RIMS2: variants seen among roughly 807,000 people sequenced by gnomAD.
RIMS2 encodes the protein regulating synaptic membrane exocytosis 2.
Under a neutral mutation model 174.4 loss-of-function variants are expected in RIMS2, and 59 were observed. That is an observed-to-expected ratio of 0.34 (90% CI 0.27 to 0.42). The LOEUF (loss-of-function observed/expected upper bound fraction) is 0.42. RIMS2 is among the 10% of genes least tolerant of loss of function. The pLI is 1.00. For synonymous variants in RIMS2, 606 were observed against 572.5 expected, an observed-to-expected ratio of 1.06 and a Z score of -0.84; for missense variants, 1,620 against 1,666.3, an observed-to-expected ratio of 0.97 and a Z score of 0.48.
At chr8:103,626,781 T>C (rs1433270318) in intron 1 of RIMS2, among the ~76,000 whole-genome samples, 4 of 152,016 alleles carry the variant, frequency 2.6e-5, no homozygotes, top group Non-Finnish European at 5.9e-5. Context: ...GATGGCGACC[T>C]TGAGCCGCAA....
chr8:103,900,968 C>T (rs907247371), intron 4 of RIMS2, among the ~76,000 whole-genome samples: 6 of 152,042 alleles, frequency 3.9e-5, no homozygotes, highest in Admixed American at 1.3e-4. Flanking sequence ...ATCTGTCTTG[C>T]CCCCAGGGAC....
chr8:103,744,688 C>G (rs1284094525), intron 2 of RIMS2, among the ~76,000 whole-genome samples: 1 of 152,122 alleles, frequency 6.6e-6, no homozygotes, highest in African/African-American at 2.4e-5. Context: ...GCCAAGGGAA[C>G]AGGCCTAACC....
chr8:103,984,069 A>G (rs538788174), intron 16 of RIMS2, among the ~76,000 whole-genome samples: 8 of 151,940 alleles, frequency 5.3e-5, no homozygotes, highest in Non-Finnish European at 1.0e-4. Flanking sequence ...AGCTACTCGG[A>G]AGGCTGAGGC....
At chr8:104,091,958 T>C (rs995824731) in intron 19 of RIMS2, among the ~76,000 whole-genome samples, 35 of 151,728 alleles carry the variant, frequency 2.3e-4, no homozygotes, top group African/African-American at 8.5e-4. Flanking sequence ...TCTAACAAGA[T>C]AGAAAGTTAA....
chr8:103,501,755 C>G (rs1414842778), intron 1 of RIMS2: 1 of 152,350 alleles, frequency 6.6e-6, no homozygotes, highest in Non-Finnish European at 1.5e-5. Context: ...CCTGAAGAGA[C>G]TCCAGTTCCT....
At chr8:103,869,679 T>G (rs1386818832) in intron 3 of RIMS2, among the ~76,000 whole-genome samples, 1 of 152,122 alleles carries the variant, frequency 6.6e-6, no homozygotes, top group Non-Finnish European at 1.5e-5. Context: ...GACACAAACC[T>G]TGTGAAACTG....
At chr8:103,500,764 G>A in exon 1 of RIMS2, 1 of 571,144 alleles carries the variant, frequency 1.8e-6, no homozygotes, top group Non-Finnish European at 3.1e-6. Context: ...GCCTTGGATT[G>A]AAGGCCATTG....
chr8:104,105,028 T>A (rs926511871), intron 19 of RIMS2, among the ~76,000 whole-genome samples: 16 of 152,298 alleles, frequency 1.1e-4, no homozygotes, highest in African/African-American at 3.6e-4. Context: ...ACTGGATTTA[T>A]GTAAGTTTGG....
At chr8:104,176,169 C>T (rs1485445514) in intron 19 of RIMS2, among the ~76,000 whole-genome samples, 1 of 152,168 alleles carries the variant, frequency 6.6e-6, no homozygotes, top group African/African-American at 2.4e-5. Context: ...TTCATTGCCA[C>T]ATATCTGGCA....
intron 1 of RIMS2, among the ~76,000 whole-genome samples, chr8:103,519,733 CTTTTTTTTTTT>C (rs56922734): frequency 7.6e-6 from 1 of 131,380 alleles, no homozygotes; most frequent in African/African-American, 2.8e-5. Flanking sequence ...GGCTTTACTA[CTTTTTTTTTTT>C]TTTTTTTTTA....
chr8:103,958,208 A>G (rs1419558409), intron 14 of RIMS2, among the ~76,000 whole-genome samples: 1 of 152,212 alleles, frequency 6.6e-6, no homozygotes, highest in East Asian at 1.9e-4. Context: ...TACACCATAG[A>G]ATACTATGAC....
chr8:104,169,178 T>G (rs1043864893), intron 19 of RIMS2, among the ~76,000 whole-genome samples: 1 of 151,576 alleles, frequency 6.6e-6, no homozygotes, highest in Admixed American at 6.6e-5. Context: ...ATAGAATGAC[T>G]TAGGGAGGAC....
chr8:103,871,802 A>G (rs994824708), intron 3 of RIMS2, among the ~76,000 whole-genome samples: 20 of 151,826 alleles, frequency 1.3e-4, no homozygotes, highest in African/African-American at 4.1e-4. Flanking sequence ...TTTTACATTT[A>G]GTTCTTTTGG....
chr8:104,239,677 A>G (rs925946981), intron 19 of RIMS2, among the ~76,000 whole-genome samples: 11 of 152,192 alleles, frequency 7.2e-5, no homozygotes, highest in Admixed American at 7.2e-4. Flanking sequence ...AAGTCTCCTC[A>G]TGTAAAAAAC....
chr8:103,690,973 T>G (rs113814975), intron 1 of RIMS2, among the ~76,000 whole-genome samples: 160 of 152,346 alleles, frequency 1.1e-3, no homozygotes, highest in African/African-American at 3.7e-3. Flanking sequence ...CTGGATGTAC[T>G]ATTCTAGGAT....
chr8:103,501,160 C>G lies in RIMS2; in HGVS notation c.176+98C>G, dbSNP rs185087587. ...TGCGCGCCCCAGTTCGCCGCCCTCCCTCCCGCTGGCGGCGCCCAGGCCACG... is the reference window on the plus strand; with the variant it reads ...TGCGCGCCCCAGTTCGCCGCCCTCCGTCCCGCTGGCGGCGCCCAGGCCACG... On this transcript the variant is annotated intron_variant, in intron 1 of 23. Coordinates refer to ENST00000504942, the Ensembl canonical transcript of RIMS2. 2,036 of 963,466 alleles carry G rather than the reference C, an allele frequency of 2.1e-3. 67 individuals are homozygous for G. In the Admixed American group the frequency reaches 0.064, roughly 31 times the overall value. 59.7% of individuals were successfully genotyped at this position (963,466 alleles called of 1,614,324 possible). A position where few individuals can be genotyped will look rare whatever the true frequency, so the allele number is the denominator to read the frequency against.
intron 3 of RIMS2, among the ~76,000 whole-genome samples, chr8:103,817,770 CA>C (rs1056681221): frequency 9.0e-4 from 136 of 151,200 alleles, no homozygotes; most frequent in African/African-American, 3.2e-3. Flanking sequence ...ACTCTGTCTC[CA>C]AAAAAATAAA....
intron 19 of RIMS2, among the ~76,000 whole-genome samples, chr8:104,109,830 T>C (rs1346571909): frequency 6.6e-6 from 1 of 152,216 alleles, no homozygotes; most frequent in Admixed American, 6.5e-5. Flanking sequence ...ACAATGTTTA[T>C]AAGGTTTGTT....
intron 3 of RIMS2, among the ~76,000 whole-genome samples, chr8:103,792,685 C>A: frequency 6.9e-6 from 1 of 144,710 alleles, no homozygotes; most frequent in Admixed American, 7.0e-5. Context: ...AGATCGCTAG[C>A]AAGACTAATA....
Sources: allele counts gnomAD v4.1 joint callset (sites outside exome capture counted in the v4.1 genomes callset), GRCh38; gene constraint gnomAD v4.1.1; transcripts MANE v1.5; gene names NCBI Gene and HGNC (gene_info 2026-07-23, HGNC 2026-07-21).